Variants in ZNF676 observed in about 807,000 individuals in gnomAD.
ZNF676 encodes zinc finger protein 676.
Under a neutral mutation model 6.0 loss-of-function variants are expected in ZNF676, and 4 were observed. The observed-to-expected ratio is 0.67, with a 90% CI of 0.33 to 1.53. The LOEUF (loss-of-function observed/expected upper bound fraction) is 1.53. Ranked by LOEUF, ZNF676 falls within the 40% of genes most tolerant of loss-of-function variation. ZNF676 has a pLI of 0.06. For missense variants in ZNF676, 644 were observed against 679.7 expected (o/e 0.95, Z 0.58); for synonymous variants, 198 against 223.1 (o/e 0.89, Z 1.00).
chr19:22,210,427 G>A (rs2024117102), intron 1 of ZNF676, among the ~76,000 whole-genome samples: 1 of 152,042 alleles, frequency 6.6e-6, no homozygotes, highest in Non-Finnish European at 1.5e-5. Context: ...TTGAAATTCA[G>A]TAATCTGATA....
the ZNF676 span, among the ~76,000 whole-genome samples, chr19:22,235,022 A>G: frequency 1.3e-5 from 1 of 77,764 alleles, no homozygotes; most frequent in Non-Finnish European, 2.6e-5. Flanking sequence ...GAAAGAAAGA[A>G]AGAAAGAAAG....
chr19:22,224,882 C>T, the ZNF676 span, among the ~76,000 whole-genome samples: 1 of 152,062 alleles, frequency 6.6e-6, no homozygotes, highest in African/African-American at 2.4e-5. Flanking sequence ...GTGGTTCCAG[C>T]AACCTGGGAG....
At chr19:22,206,915 T>C (rs1171322690) in intron 1 of ZNF676, among the ~76,000 whole-genome samples, 1 of 152,098 alleles carries the variant, frequency 6.6e-6, no homozygotes, top group Non-Finnish European at 1.5e-5. Flanking sequence ...TTAAAAACCC[T>C]CAACAAACTA....
chr19:22,250,587 T>TTTTG, the ZNF676 span, among the ~76,000 whole-genome samples: 29 of 152,168 alleles, frequency 1.9e-4, no homozygotes, highest in African/African-American at 5.8e-4. Flanking sequence ...CCCACCTGTT[T>TTTTG]TTTGTTTGTT....
chr19:22,184,773 T>C (rs371916993), intron 2 of ZNF676, among the ~76,000 whole-genome samples: 1 of 128,094 alleles, frequency 7.8e-6, no homozygotes, highest in South Asian at 2.5e-4. Context: ...CCACCGCAGC[T>C]AGCAAGACCA....
chr19:22,179,844 A>C lies in ZNF676; in HGVS notation c.*106T>G. The C allele has an allele frequency of 7.7e-7, 1 of 1,295,820 alleles. No homozygotes were observed. The highest frequency in any genetic ancestry group is 1.9e-4 in the Middle Eastern group (1 of 5,346). 80.3% of individuals were successfully genotyped at this position (1,295,820 alleles called of 1,614,324 possible). ...TAATAAAGATTGAGGACTGTTTAAA[A>C]GCTTTGCCACATTCTTCACCTTTGT... On this transcript the variant is annotated 3_prime_UTR_variant, in exon 3 of 3. Transcript: ENST00000397121.
chr19:22,204,355 AAC>A (rs2024055637), intron 1 of ZNF676, among the ~76,000 whole-genome samples: 1 of 152,200 alleles, frequency 6.6e-6, no homozygotes, highest in Non-Finnish European at 1.5e-5. Context: ...ATTCAGTTGA[AAC>A]ACTATATTTC....
At chr19:22,210,347 G>A (rs1434629732) in intron 1 of ZNF676, among the ~76,000 whole-genome samples, 1 of 152,068 alleles carries the variant, frequency 6.6e-6, no homozygotes, top group Non-Finnish European at 1.5e-5. Flanking sequence ...GCAGATGCCA[G>A]TCACAAACCC....
At chr19:22,253,940 C>A in the ZNF676 span, among the ~76,000 whole-genome samples, 21 of 152,220 alleles carry the variant, frequency 1.4e-4, no homozygotes, top group African/African-American at 4.6e-4. Context: ...AGAGAAGACC[C>A]ATAATCTCTC....
At chr19:22,215,587 C>A in intron 1 of ZNF676, 2 of 1,606,026 alleles carry the variant, frequency 1.2e-6, no homozygotes, top group Middle Eastern at 1.7e-4. Context: ...CCGGTTCCAA[C>A]CAGCCCAGGC....
At chr19:22,215,535 C>G (rs2024175579) in intron 1 of ZNF676, 3 of 1,416,344 alleles carry the variant, frequency 2.1e-6, no homozygotes, top group East Asian at 4.8e-5. Context: ...ACTTGTGGAG[C>G]TGACTGCGGG....
chr19:22,248,428 G>A, the ZNF676 span, among the ~76,000 whole-genome samples: 1 of 152,088 alleles, frequency 6.6e-6, no homozygotes, highest in Non-Finnish European at 1.5e-5. Flanking sequence ...ACTTTTTAAT[G>A]ATCACATGTA....
chr19:22,218,124 A>G (rs1182274206), upstream of ZNF676, among the ~76,000 whole-genome samples: 1 of 151,934 alleles, frequency 6.6e-6, no homozygotes, highest in Non-Finnish European at 1.5e-5. Flanking sequence ...GGCCATTTGT[A>G]TATCTTCTTT....
chr19:22,229,768 T>G, the ZNF676 span, among the ~76,000 whole-genome samples: 1 of 152,146 alleles, frequency 6.6e-6, no homozygotes, highest in African/African-American at 2.4e-5. Context: ...TCACTAGTCA[T>G]GAGAGAAATG....
the ZNF676 span, among the ~76,000 whole-genome samples, chr19:22,250,824 G>C: frequency 6.6e-6 from 1 of 151,880 alleles, no homozygotes; most frequent in Non-Finnish European, 1.5e-5. Flanking sequence ...TGATCCTCCT[G>C]CCTCAGCTGC....
intron 1 of ZNF676, among the ~76,000 whole-genome samples, chr19:22,207,062 A>G (rs1296897187): frequency 6.6e-6 from 1 of 152,136 alleles, no homozygotes; most frequent in Non-Finnish European, 1.5e-5. Flanking sequence ...CAACACTCCT[A>G]TATTCAACAT....
intron 2 of ZNF676, among the ~76,000 whole-genome samples, chr19:22,190,662 T>TATATATATATAC (rs2023895621): frequency 8.2e-6 from 1 of 122,462 alleles, no homozygotes; most frequent in Non-Finnish European, 1.5e-5. Context: ...TATATATATA[T>TATATATATATAC]ATACATACAC....
chr19:22,197,646 A>C (rs1444559897), upstream of ZNF676, among the ~76,000 whole-genome samples: 1 of 152,178 alleles, frequency 6.6e-6, no homozygotes, highest in African/African-American at 2.4e-5. Context: ...TTTTCCAAAA[A>C]CAGACAAATG....
the ZNF676 span, among the ~76,000 whole-genome samples, chr19:22,222,550 A>G: frequency 6.6e-6 from 1 of 152,152 alleles, no homozygotes; most frequent in Non-Finnish European, 1.5e-5. Flanking sequence ...GGTTTATGTT[A>G]AAGTAGAAGC....
Sources: gnomAD v4.1 joint callset for allele counts (sites outside exome capture counted in the v4.1 genomes callset) on GRCh38, gnomAD v4.1.1 for gene constraint, MANE v1.5 for transcripts, NCBI Gene and HGNC (gene_info 2026-07-23, HGNC 2026-07-21) for gene names.